The following STRN variants were observed in gnomAD, a reference collection of about 807,000 sequenced individuals.
The protein encoded by STRN is protein phosphatase 2 regulatory subunit B'''alpha.
STRN carries 53 observed loss-of-function variants against 96.3 expected under a neutral mutation model. That is an observed-to-expected ratio of 0.55 (90% CI 0.44 to 0.69). The LOEUF is 0.69. STRN is among the 30% of genes least tolerant of loss of function. The probability of loss-of-function intolerance (pLI) is 0.00; values close to 1 mark genes in which losing one functional copy is unlikely to be tolerated. For missense variants in STRN, 987 were observed against 963.9 expected (o/e 1.02, Z -0.32); for synonymous variants, 428 against 355.9 (o/e 1.20, Z -2.28).
intron 4 of STRN, among the ~76,000 whole-genome samples, chr2:36,904,014 T>C (rs1001416952): frequency 1.3e-5 from 2 of 152,206 alleles, no homozygotes; most frequent in Non-Finnish European, 2.9e-5. Context: ...ATTGATAAAA[T>C]GACACCTTTA....
chr2:36,877,944 C>G lies in STRN; in HGVS notation c.1270G>C (p.Gly424Arg). The part of the protein sequence containing the change: ...DEALESELGL[G>R]ELAGLTVANE... ...GCCACCGTAAGGCCTGCTAGTTCTC[C>G]AAGTCCCAGTTCACTTTCAAGGGCT... The change falls in exon 10 of 18, where the codon GGA becomes CGA. Residue 424 changes from glycine (G) to arginine (R), a missense_variant. By Grantham distance (125) the Gly-to-Arg change is moderately radical. Transcript: ENST00000263918. 6.2e-7 allele frequency: 1 copy of G among 1,614,206 alleles called. No individual in the cohort carries two copies. The highest frequency in any genetic ancestry group is 8.5e-7 in the Non-Finnish European group (1 of 1,180,034).
At chr2:36,878,472 T>C (rs925450867) in intron 9 of STRN, among the ~76,000 whole-genome samples, 1 of 152,206 alleles carries the variant, frequency 6.6e-6, no homozygotes, top group African/African-American at 2.4e-5. Context: ...ATGGGTCAAA[T>C]TCTTAAATGT....
At chr2:36,931,827 A>G (rs988722163) in intron 1 of STRN, among the ~76,000 whole-genome samples, 5 of 152,108 alleles carry the variant, frequency 3.3e-5, no homozygotes, top group Non-Finnish European at 7.4e-5. Context: ...TTGCTTATTC[A>G]TTTATTTGTT....
chr2:36,931,362 T>C (rs1277413352), intron 1 of STRN, among the ~76,000 whole-genome samples: 1 of 152,154 alleles, frequency 6.6e-6, no homozygotes, highest in Non-Finnish European at 1.5e-5. Flanking sequence ...AAGGAGAATA[T>C]AGGAAAAACA....
Position 36,844,728 on chromosome 2 carries a change from T to G in STRN, c.*4728A>C, listed in dbSNP as rs2148114483. The stretch of plus-strand genomic sequence containing the variant: ...AACTGAAAGGATCTGTTAAATACTT[T>G]GTCAACCTGGCATCCCTGACACTGA... On this transcript the variant is annotated 3_prime_UTR_variant, in exon 18 of 18. Transcript: ENST00000263918. 1 of 152,252 alleles carries G rather than the reference T, an allele frequency of 6.6e-6. No individual in the cohort carries two copies. Among genetic ancestry groups the G allele is most frequent in the African/African-American group, 2.4e-5 (1 of 41,558 alleles). 9.4% of individuals were successfully genotyped at this position (152,252 alleles called of 1,614,324 possible). A position where few individuals can be genotyped will look rare whatever the true frequency, so the allele number is the denominator to read the frequency against.
intron 1 of STRN, among the ~76,000 whole-genome samples, chr2:36,927,615 G>T (rs1406011124): frequency 6.6e-6 from 1 of 151,572 alleles, no homozygotes; most frequent in Non-Finnish European, 1.5e-5. Context: ...GATAGCTTGA[G>T]GCTGGAGTTT....
rs1362540069 is a variant in STRN at position 36,902,599 on chromosome 2, T to A, written c.644A>T (p.Glu215Val). Residue 215 changes from glutamate (E) to valine (V), a missense_variant, in exon 5 of 18, where the codon GAG becomes GTG. Glu to Val is a moderately radical substitution (Grantham distance 121, BLOSUM62 -2). Coordinates refer to ENST00000263918, the MANE Select transcript of STRN (RefSeq NM_003162.4). ...AAATACTTACGCAATCATTGCTGTCTCTTTAACTTCAGCCTCTGTGCCATT... is the reference window on the plus strand; with the variant it reads ...AAATACTTACGCAATCATTGCTGTCACTTTAACTTCAGCCTCTGTGCCATT... ...VVNGTEAEVK[E>V]TAMIAKSELT... 1 of 1,606,360 alleles carries A rather than the reference T, an allele frequency of 6.2e-7. No individual in the cohort carries two copies. Among genetic ancestry groups the A allele is most frequent in the Non-Finnish European group, 8.5e-7 (1 of 1,175,200 alleles).
intron 13 of STRN, 43 bp downstream of exon 13, chr2:36,861,089 A>T (rs1668467395): frequency 6.2e-7 from 1 of 1,600,650 alleles, no homozygotes; most frequent in Admixed American, 1.8e-5. Context: ...AATGTGTTTA[A>T]AAAACCAATT....
intron 13 of STRN, among the ~76,000 whole-genome samples, chr2:36,858,855 C>G (rs1041117160): frequency 1.3e-5 from 2 of 152,084 alleles, no homozygotes; most frequent in Non-Finnish European, 2.9e-5. Flanking sequence ...CCTCAACAGA[C>G]AATGTTGAAA....
At chr2:36,896,189 T>C (rs948731069) in intron 6 of STRN, among the ~76,000 whole-genome samples, 1 of 152,104 alleles carries the variant, frequency 6.6e-6, no homozygotes, top group Non-Finnish European at 1.5e-5. Context: ...ATTCCAAGTA[T>C]GAATATATTT....
In STRN at chr2:36,856,139, G is replaced by A. The variant is rs1457995638; in HGVS notation, c.1838-787C>T. Among the ~76,000 whole-genome samples the A allele has an allele frequency of 5.9e-5, 9 of 152,162 alleles. No individual in the cohort carries two copies. In the East Asian group the frequency reaches 1.7e-3, roughly 29 times the overall value. ...AATACTACTACACATCCACCAGAAT[G>A]GCTAAAGTTAAACAGACTGACAATA... On this transcript the variant is annotated intron_variant, in intron 14 of 17. Coordinates refer to ENST00000263918, the MANE Select transcript of STRN (RefSeq NM_003162.4).
intron 12 of STRN, 133 bp from the exon 13 acceptor site, chr2:36,861,386 T>C: frequency 8.5e-7 from 1 of 1,181,460 alleles, no homozygotes; most frequent in Non-Finnish European, 1.2e-6. Context: ...AAAACACAGG[T>C]ACTATCAAAG....
At chr2:36,897,019 C>T (rs1040659968) in intron 6 of STRN, among the ~76,000 whole-genome samples, 1 of 151,796 alleles carries the variant, frequency 6.6e-6, no homozygotes, top group Non-Finnish European at 1.5e-5. Context: ...AATACAGCAT[C>T]AGCCGGGTGT....
chr2:36,941,661 T>C (rs1378810736), intron 1 of STRN, among the ~76,000 whole-genome samples: 1 of 151,806 alleles, frequency 6.6e-6, no homozygotes, highest in Non-Finnish European at 1.5e-5. Context: ...GCAATTCTCC[T>C]GCCTCAGCCT....
In STRN at chr2:36,905,646, T is replaced by C; in HGVS notation, c.413-28A>G. 2.5e-6 allele frequency: 4 copies of C among 1,595,358 alleles called. No homozygotes were observed. The South Asian group carries it at 4.4e-5, about 18-fold the overall frequency. On this transcript the variant is annotated intron_variant, in intron 3 of 17. Coordinates refer to ENST00000263918, the MANE Select transcript of STRN (RefSeq NM_003162.4). ...AGAAAACATTAAGTCATAATAAAAC[T>C]GACTTGTTTTACGTATTAGAGGGCA...
chr2:36,868,096 T>C (rs1031878050), intron 11 of STRN, among the ~76,000 whole-genome samples: 12 of 152,196 alleles, frequency 7.9e-5, no homozygotes, highest in African/African-American at 2.9e-4. Context: ...CATAATCTAT[T>C]TGACTAAAGG....
At chr2:36,875,936 G>A (rs1341740598) in intron 10 of STRN, among the ~76,000 whole-genome samples, 3 of 152,108 alleles carry the variant, frequency 2.0e-5, no homozygotes, top group Non-Finnish European at 4.4e-5. Context: ...GGATACAAGC[G>A]TGAGCCACCG....
intron 8 of STRN, among the ~76,000 whole-genome samples, chr2:36,885,948 G>T (rs534142048): frequency 1.3e-5 from 2 of 152,162 alleles, no homozygotes; most frequent in Admixed American, 6.5e-5. Flanking sequence ...CCCCTAAGAA[G>T]ATGATTTAAG....
At position 36,905,628 on chromosome 2, in the gene STRN, A is replaced by G. The variant is rs1669800767; in HGVS notation, c.413-10T>C. 6.2e-7 allele frequency: 1 copy of G among 1,611,750 alleles called. No individual in the cohort carries two copies. Among genetic ancestry groups the G allele is most frequent in the Non-Finnish European group, 8.5e-7 (1 of 1,179,296 alleles). The stretch of plus-strand genomic sequence containing the variant: ...GTTTCATTACCTTCATCTAGAAAAC[A>G]TTAAGTCATAATAAAACTGACTTGT... On this transcript the variant is annotated splice_polypyrimidine_tract_variant and intron_variant, in intron 3 of 17. Coordinates refer to ENST00000263918, the MANE Select transcript of STRN (RefSeq NM_003162.4).
Sources: gnomAD v4.1 joint callset for allele counts (sites outside exome capture counted in the v4.1 genomes callset) on GRCh38, gnomAD v4.1.1 for gene constraint, MANE v1.5 for transcripts, NCBI Gene and HGNC (gene_info 2026-07-23, HGNC 2026-07-21) for gene names.